The following DIAPH2 variants were observed in gnomAD, a reference collection of about 807,000 sequenced individuals.
DIAPH2 encodes diaphanous related formin 2, also known as protein diaphanous homolog 2.
In DIAPH2, 35 loss-of-function variants were observed where a neutral mutation model predicts 92.7. The observed-to-expected ratio is 0.38, with a 90% CI of 0.29 to 0.50. The LOEUF (loss-of-function observed/expected upper bound fraction) is 0.50, where lower values mean the gene tolerates loss of function less well. Among genes scored for constraint, DIAPH2 ranks in the 20% least tolerant of loss-of-function variants. The pLI is 0.94. For missense variants in DIAPH2, 701 were observed against 819.5 expected, an observed-to-expected ratio of 0.86 and a Z score of 1.77; for synonymous variants, 301 against 280.4, an observed-to-expected ratio of 1.07 and a Z score of -0.73.
intron 24 of DIAPH2, among the ~76,000 whole-genome samples, chrX:97,354,432 G>T (rs1218266859): frequency 9.0e-6 from 1 of 111,715 alleles, no homozygotes; most frequent in Non-Finnish European, 1.9e-5. Flanking sequence ...GAGTACAGTG[G>T]CTTGATCTCA....
intron 24 of DIAPH2, among the ~76,000 whole-genome samples, chrX:97,368,010 C>A (rs2069399733): frequency 8.9e-6 from 1 of 112,268 alleles, no homozygotes; most frequent in Non-Finnish European, 1.9e-5. Context: ...TGCTCCTGGC[C>A]CTCTATCGGT....
chrX:96,939,243 A>T, intron 11 of DIAPH2, 23 bp from the exon 12 acceptor site: 2 of 702,023 alleles, frequency 2.8e-6, no homozygotes, highest in Non-Finnish European at 4.4e-6. Flanking sequence ...AAGGATCTTT[A>T]ATATTTTTCC....
chrX:96,854,598 C>CATATATAT lies in DIAPH2; in HGVS notation c.448-26944_448-26937dup, dbSNP rs57209486. Among the ~76,000 whole-genome samples, 93 of 37,094 alleles carry CATATATAT rather than the reference C, an allele frequency of 2.5e-3. 1 individual carries two copies. The highest frequency in any genetic ancestry group is 7.1e-3 in the East Asian group (6 of 851). 32.2% of individuals were successfully genotyped at this position (37,094 alleles called of 115,157 possible). A position where few individuals can be genotyped will look rare whatever the true frequency, so the allele number is the denominator to read the frequency against. Reference sequence around the variant, plus strand: ...AAAAACCAAGACTCTCTCTCTCTCTCATATATATATATATATATATATATA... The same window carrying CATATATAT: ...AAAAACCAAGACTCTCTCTCTCTCTCATATATATATATATATATATATATATATATATA... On this transcript the variant is annotated intron_variant, in intron 4 of 26. Transcript: ENST00000324765.
intron 19 of DIAPH2, among the ~76,000 whole-genome samples, chrX:97,083,522 T>A (rs2066762079): frequency 9.0e-6 from 1 of 111,543 alleles, no homozygotes; most frequent in Admixed American, 9.6e-5. Context: ...CTTCTTTTAT[T>A]TTTGACTACT....
At chrX:96,785,820 C>T (rs2064452583) in intron 4 of DIAPH2, among the ~76,000 whole-genome samples, 1 of 110,940 alleles carries the variant, frequency 9.0e-6, no homozygotes. Context: ...CCCAGTGGGA[C>T]ATAGCACCCA....
chrX:96,959,696 A>G (rs186370801), intron 16 of DIAPH2, among the ~76,000 whole-genome samples: 1 of 111,471 alleles, frequency 9.0e-6, no homozygotes, highest in Non-Finnish European at 1.9e-5. Context: ...CTTTGCCTAT[A>G]TTAGTGTCCT....
chrX:96,840,657 G>T (rs2064929781), intron 4 of DIAPH2, among the ~76,000 whole-genome samples: 1 of 110,681 alleles, frequency 9.0e-6, no homozygotes, highest in African/African-American at 3.3e-5. Context: ...CGCCCAGGCT[G>T]GGGTGCAGTG....
At chrX:97,565,799 G>A (rs1473058784) in intron 26 of DIAPH2, among the ~76,000 whole-genome samples, 2 of 111,927 alleles carry the variant, frequency 1.8e-5, no homozygotes, top group African/African-American at 6.5e-5. Context: ...AGTTTTTAGA[G>A]ATACAACACT....
intron 17 of DIAPH2, among the ~76,000 whole-genome samples, chrX:96,968,273 C>T (rs190293001): frequency 2.7e-5 from 3 of 110,669 alleles, no homozygotes; most frequent in Non-Finnish European, 5.7e-5. Flanking sequence ...GGCTGGAATG[C>T]GATGGTGCAA....
rs144203719 is a variant in DIAPH2, at chrX:97,021,853, G to A, written c.2051-51088G>A. On this transcript the variant is annotated intron_variant, in intron 17 of 26. Transcript: ENST00000324765. ...CAGTGACTAAGCACTTCCTTTGTGCGGAGTACTTTCCCTTGTTCTGGGGTT... is the reference window on the plus strand; with the variant it reads ...CAGTGACTAAGCACTTCCTTTGTGCAGAGTACTTTCCCTTGTTCTGGGGTT... Among the ~76,000 whole-genome samples the A allele has an allele frequency of 9.6e-3, 1,074 of 111,391 alleles. 12 individuals carry two copies. Among genetic ancestry groups the A allele is most frequent in the African/African-American group, 0.033 (1,020 of 30,636 alleles).
At position 97,013,782 on chromosome X, in the gene DIAPH2, C is replaced by T. The variant is rs137968206; in HGVS notation, c.2050+48575C>T. ...ATGTTTGAGATAACAAATCTGGCAC[C>T]TGGACATGGCACTGGAGTGGGAGAA... On this transcript the variant is annotated intron_variant, in intron 17 of 26. Transcript: ENST00000324765. Among the ~76,000 whole-genome samples, 700 of 112,049 alleles carry T rather than the reference C, an allele frequency of 6.2e-3. 5 individuals are homozygous for T. The highest frequency in any genetic ancestry group is 0.022 in the African/African-American group (674 of 30,810).
intron 17 of DIAPH2, among the ~76,000 whole-genome samples, chrX:97,040,481 G>A (rs780104680): frequency 2.8e-4 from 31 of 110,792 alleles, no homozygotes; most frequent in Non-Finnish European, 4.2e-4. Flanking sequence ...TGAATTTCAC[G>A]TGTATCTCTG....
chrX:96,701,986 T>C (rs1460788955), intron 1 of DIAPH2, among the ~76,000 whole-genome samples: 2 of 112,054 alleles, frequency 1.8e-5, no homozygotes, highest in Non-Finnish European at 3.8e-5. Context: ...CCAAAATACA[T>C]GATATTTTAT....
intron 23 of DIAPH2, among the ~76,000 whole-genome samples, chrX:97,268,856 CTTT>C (rs747116851): frequency 1.2e-5 from 1 of 86,928 alleles, no homozygotes; most frequent in Non-Finnish European, 2.2e-5. Flanking sequence ...TCTTTTCTTT[CTTT>C]TTTTTTTTTT....
At chrX:97,069,136 A>AT (rs1257341103) in intron 17 of DIAPH2, among the ~76,000 whole-genome samples, 1 of 109,944 alleles carries the variant, frequency 9.1e-6, no homozygotes, top group Non-Finnish European at 1.9e-5. Flanking sequence ...CTAATTTTGT[A>AT]TTTTTTAGTA....
chrX:97,431,424 C>T (rs747600350), intron 26 of DIAPH2: 10 of 112,302 alleles, frequency 8.9e-5, no homozygotes, highest in Non-Finnish European at 1.1e-4. Context: ...TCTGATTAGT[C>T]TCACACCTCA....
chrX:97,307,568 T>C (rs1407488891), intron 23 of DIAPH2, among the ~76,000 whole-genome samples: 1 of 111,583 alleles, frequency 9.0e-6, no homozygotes, highest in Non-Finnish European at 1.9e-5. Flanking sequence ...CAATATAAAA[T>C]AGTAATAACA....
intron 26 of DIAPH2, among the ~76,000 whole-genome samples, chrX:97,465,099 G>A (rs1272590763): frequency 1.3e-4 from 14 of 110,750 alleles, no homozygotes; most frequent in African/African-American, 4.6e-4. Context: ...TACCCTCCTC[G>A]GCCTCCCAAA....
intron 25 of DIAPH2, among the ~76,000 whole-genome samples, chrX:97,415,400 A>G (rs2069932657): frequency 8.9e-6 from 1 of 112,033 alleles, no homozygotes; most frequent in Non-Finnish European, 1.9e-5. Flanking sequence ...AGACACATGC[A>G]CACGTTTGTT....
Sources: allele counts gnomAD v4.1 joint callset (sites outside exome capture counted in the v4.1 genomes callset), GRCh38; gene constraint gnomAD v4.1.1; transcripts MANE v1.5; gene names NCBI Gene and HGNC (gene_info 2026-07-23, HGNC 2026-07-21).